The following PTPN13 variants were observed in gnomAD, a reference collection of about 807,000 sequenced individuals.
PTPN13 encodes the protein tyrosine-protein phosphatase non-receptor type 13.
In PTPN13, 191 loss-of-function variants were observed where a neutral mutation model predicts 284.0. The observed-to-expected ratio is 0.67, with a 90% CI of 0.60 to 0.76. The LOEUF (loss-of-function observed/expected upper bound fraction) is 0.76. Among genes scored for constraint, PTPN13 ranks in the 30% least tolerant of loss-of-function variants. The pLI, the probability that PTPN13 is intolerant of heterozygous loss-of-function variation, is 0.00. For synonymous variants in PTPN13, 986 were observed against 1,022.3 expected (o/e 0.96, Z 0.68); for missense variants, 2,797 against 2,939.9 (o/e 0.95, Z 1.12).
chr4:86,678,506 G>A (rs1264863304), intron 3 of PTPN13, among the ~76,000 whole-genome samples: 1 of 152,182 alleles, frequency 6.6e-6, no homozygotes, highest in Non-Finnish European at 1.5e-5. Context: ...GATCCCAAAT[G>A]TATATATCTC....
At chr4:86,659,556 C>T (rs1172428958) in intron 2 of PTPN13, among the ~76,000 whole-genome samples, 6 of 152,160 alleles carry the variant, frequency 3.9e-5, no homozygotes, top group Non-Finnish European at 7.4e-5. Context: ...TGGCTCACAC[C>T]TGTAATCCCA....
rs947995535 is a variant in PTPN13 at position 86,786,596 on chromosome 4, G to A, written c.6345+660G>A. On this transcript the variant is annotated intron_variant, in intron 40 of 47. Coordinates refer to ENST00000411767, the MANE Select transcript of PTPN13 (RefSeq NM_080683.3). ...TTAGATATCTCAAAATGTGGCATTC[G>A]CTAGTGGTTTTTCTTAAGATGCTCT... 3.9e-5 allele frequency among the ~76,000 whole-genome samples: 6 copies of A among 152,068 alleles called. No individual in the cohort carries two copies. In the South Asian group the frequency reaches 6.2e-4, roughly 16 times the overall value.
At position 86,772,729 on chromosome 4, in the gene PTPN13, T is replaced by C. The variant is rs767995539; in HGVS notation, c.5169-49T>C. 4.8e-6 allele frequency: 7 copies of C among 1,452,368 alleles called. No homozygotes were observed. In the African/African-American group the frequency reaches 5.7e-5, roughly 12 times the overall value. The allele number at this position is 1,452,368 out of a possible 1,614,324, so 90.0% of individuals were successfully genotyped here. On this transcript the variant is annotated intron_variant, in intron 31 of 47. Transcript: ENST00000411767. ...CTGTTTCTGGCACAAACTAACCATA[T>C]TGACATTGAAATGTATTTAAAAATA...
At chr4:86,642,063 A>G (rs942074412) in intron 2 of PTPN13, among the ~76,000 whole-genome samples, 16 of 152,322 alleles carry the variant, frequency 1.1e-4, no homozygotes, top group Non-Finnish European at 2.2e-4. Context: ...AATGACTAAT[A>G]TAAATGGACA....
rs533481356 is a variant in PTPN13, at chr4:86,809,903, G to A, written c.7218G>A (p.Thr2406=). The change falls in exon 46 of 48, where the codon ACG becomes ACA. Residue 2406 remains threonine (T), a synonymous_variant. Coordinates refer to ENST00000411767, the MANE Select transcript of PTPN13 (RefSeq NM_080683.3). ...RHIHRSGPII[T]HCSAGIGRSG... is the part of the protein sequence containing the mutation. ...TCCACAGATCAGGCCCAATCATTAC[G>A]CACTGCAGTGCTGGCATTGGACGTT... The A allele has an allele frequency of 4.5e-5, 72 of 1,613,900 alleles. No homozygotes were observed. The highest frequency in any genetic ancestry group is 1.2e-4 in the African/African-American group (9 of 75,000).
chr4:86,654,977 T>G (rs1185180912), intron 2 of PTPN13, among the ~76,000 whole-genome samples: 1 of 152,236 alleles, frequency 6.6e-6, no homozygotes, highest in African/African-American at 2.4e-5. Context: ...GTTGAATTGA[T>G]CCCTTCAACA....
chr4:86,755,859 T>G (rs73835765), intron 20 of PTPN13, among the ~76,000 whole-genome samples: 4,659 of 152,016 alleles, frequency 0.031, 233 homozygotes, highest in African/African-American at 0.11. Context: ...TTTGATGGGT[T>G]TGTTGGGATG....
At chr4:86,700,577 G>A (rs1197291065) in intron 6 of PTPN13, among the ~76,000 whole-genome samples, 3 of 152,092 alleles carry the variant, frequency 2.0e-5, no homozygotes, top group East Asian at 1.9e-4. Context: ...TTATGTTCTA[G>A]AGGAAAAAAC....
intron 3 of PTPN13, among the ~76,000 whole-genome samples, chr4:86,672,893 G>A (rs1727867291): frequency 6.6e-6 from 1 of 152,090 alleles, no homozygotes; most frequent in African/African-American, 2.4e-5. Context: ...CATCCTTTTT[G>A]GCACCAGGGA....
intron 45 of PTPN13, 109 bp downstream of exon 45, chr4:86,808,006 A>G: frequency 1.0e-6 from 1 of 963,376 alleles, no homozygotes; most frequent in Non-Finnish European, 1.5e-6. Flanking sequence ...AAAGACAGTG[A>G]CTTCCTAGTT....
intron 37 of PTPN13, among the ~76,000 whole-genome samples, chr4:86,783,564 TC>T (rs33941401): frequency 0.099 from 15,078 of 152,058 alleles, 847 homozygotes; most frequent in Non-Finnish European, 0.11. Context: ...CAATACTGTG[TC>T]CTTGAATGCT....
At chr4:86,706,990 C>G (rs1256205757) in intron 7 of PTPN13, among the ~76,000 whole-genome samples, 1 of 152,034 alleles carries the variant, frequency 6.6e-6, no homozygotes, top group African/African-American at 2.4e-5. Context: ...GAGTAGTTGT[C>G]TGTTTTCTAA....
chr4:86,726,751 T>A (rs1457367500), intron 10 of PTPN13, among the ~76,000 whole-genome samples: 1 of 149,440 alleles, frequency 6.7e-6, no homozygotes, highest in Admixed American at 6.7e-5. Flanking sequence ...AATTATGTCA[T>A]CTGCAAACAG....
chr4:86,745,114 A>T lies in PTPN13; in HGVS notation c.2636A>T (p.Asp879Val). Residue 879 changes from aspartate to valine, a missense_variant, in exon 17 of 48, where the codon GAT becomes GTT. Transcript: ENST00000411767. ...LQMRARQSNQ[D>V]AQDIERASFR... ...ATGAGAGCAAGACAGAGCAACCAAG[A>T]TGCCCAAGATATTGGTAAGGAGAAG... 1 of 1,610,214 alleles carries T rather than the reference A, an allele frequency of 6.2e-7. No homozygotes were observed. Among genetic ancestry groups the T allele is most frequent in the Non-Finnish European group, 8.5e-7 (1 of 1,178,620 alleles).
intron 1 of PTPN13, among the ~76,000 whole-genome samples, chr4:86,598,196 T>C (rs1763992852): frequency 1.3e-5 from 2 of 151,948 alleles, no homozygotes; most frequent in Non-Finnish European, 2.9e-5. Context: ...TGGAATACAG[T>C]GGCACAATCT....
intron 40 of PTPN13, among the ~76,000 whole-genome samples, chr4:86,794,494 T>A (rs1743084515): frequency 1.3e-5 from 2 of 152,170 alleles, no homozygotes; most frequent in Non-Finnish European, 2.9e-5. Flanking sequence ...ATAGATTCAA[T>A]GCTATCCCCA....
At chr4:86,645,577 AAG>A (rs1357591126) in intron 2 of PTPN13, among the ~76,000 whole-genome samples, 2 of 152,218 alleles carry the variant, frequency 1.3e-5, no homozygotes, top group Non-Finnish European at 2.9e-5. Context: ...ATGATAAAAA[AAG>A]TAAAATATGG....
chr4:86,672,648 T>A, intron 3 of PTPN13, 105 bp downstream of exon 3: 2 of 878,206 alleles, frequency 2.3e-6, no homozygotes, highest in Non-Finnish European at 3.3e-6. Context: ...TATTGAGTTT[T>A]AAATGACCGT....
intron 17 of PTPN13, among the ~76,000 whole-genome samples, chr4:86,746,243 T>C (rs1190697914): frequency 6.6e-6 from 1 of 152,154 alleles, no homozygotes; most frequent in African/African-American, 2.4e-5. Context: ...ATAAAACTGA[T>C]TTGGTGATTT....
Sources: gnomAD v4.1 joint callset for allele counts (sites outside exome capture counted in the v4.1 genomes callset) on GRCh38, gnomAD v4.1.1 for gene constraint, MANE v1.5 for transcripts, NCBI Gene and HGNC (gene_info 2026-07-23, HGNC 2026-07-21) for gene names.